CABCOCO1: variants seen among roughly 807,000 people sequenced by gnomAD.
CABCOCO1 encodes ciliary associated calcium binding coiled-coil 1, also known as ciliary-associated calcium-binding coiled-coil protein 1.
Under a neutral mutation model 35.7 loss-of-function variants are expected in CABCOCO1, and 28 were observed. The ratio of observed to expected loss-of-function variants is 0.78; its 90% CI spans 0.58 to 1.07. The LOEUF (loss-of-function observed/expected upper bound fraction) is 1.07, where lower values mean the gene tolerates loss of function less well. Ranked by LOEUF, CABCOCO1 falls within the 50% of genes least tolerant of loss-of-function variation. CABCOCO1 has a pLI of 0.00. For synonymous variants in CABCOCO1, 95 were observed against 100.1 expected (o/e 0.95, Z 0.30); for missense variants, 326 against 309.2 (o/e 1.05, Z -0.41).
intron 5 of CABCOCO1, among the ~76,000 whole-genome samples, chr10:61,706,989 C>T (rs1228596135): frequency 6.6e-6 from 1 of 152,190 alleles, no homozygotes; most frequent in East Asian, 1.9e-4. Context: ...TTTATTAAAC[C>T]CTCCTCAATG....
rs542272845 is a variant in CABCOCO1 at position 61,692,892 on chromosome 10, T to C, written c.552+2271T>C. On this transcript the variant is annotated intron_variant, in intron 5 of 7. Transcript: ENST00000648843. ...TTGCAATAATTATCAGTTTGGAATA[T>C]AATCCTATCTCATCTATTCAAGCAA... 9.2e-5 allele frequency among the ~76,000 whole-genome samples: 14 copies of C among 152,264 alleles called. 1 individual carries two copies. In the South Asian group the frequency reaches 2.9e-3, roughly 32 times the overall value.
At chr10:61,744,978 C>A (rs1841626047) in intron 5 of CABCOCO1, among the ~76,000 whole-genome samples, 1 of 152,114 alleles carries the variant, frequency 6.6e-6, no homozygotes, top group South Asian at 2.1e-4. Flanking sequence ...AATGTCTAGT[C>A]TTTTGAAAGG....
At chr10:61,721,036 C>G (rs558566375) in intron 5 of CABCOCO1, among the ~76,000 whole-genome samples, 1 of 147,322 alleles carries the variant, frequency 6.8e-6, no homozygotes, top group African/African-American at 2.5e-5. Context: ...GCCATTCTCC[C>G]GCCTCAGCCT....
rs1589159066 is a variant in CABCOCO1 at position 61,760,887 on chromosome 10, G to A, written c.700G>A (p.Glu234Lys). The change falls in exon 7 of 8, where the codon GAG (glutamate) becomes AAG (lysine). Residue 234 changes from glutamate to lysine, a missense_variant. Transcript: ENST00000648843. ...GAGGTTGGATCAAGAACAAGGCCCT[G>A]AGGAGTCTCAGCCAGAAACTGACAC... ...MKRLDQEQGP[E>K]ESQPETDTSD... 1 of 1,612,622 alleles carries A rather than the reference G, an allele frequency of 6.2e-7. No homozygotes were observed. The highest frequency in any genetic ancestry group is 8.5e-7 in the Non-Finnish European group (1 of 1,179,108).
intron 5 of CABCOCO1, among the ~76,000 whole-genome samples, chr10:61,727,957 A>ACTG (rs1841200132): frequency 6.6e-6 from 1 of 152,194 alleles, no homozygotes; most frequent in Non-Finnish European, 1.5e-5. Context: ...GTGTTTTATC[A>ACTG]ATGCCTGTAA....
intron 7 of CABCOCO1, among the ~76,000 whole-genome samples, chr10:61,765,628 C>T (rs1451629237): frequency 6.6e-6 from 1 of 152,180 alleles, no homozygotes; most frequent in Non-Finnish European, 1.5e-5. Context: ...TGATTCAGTG[C>T]TTATTGGTAA....
chr10:61,681,892 G>A (rs562617228), intron 3 of CABCOCO1, among the ~76,000 whole-genome samples: 32 of 152,214 alleles, frequency 2.1e-4, no homozygotes, highest in African/African-American at 7.5e-4. Flanking sequence ...AATTCCCTGG[G>A]GTGAATGGTA....
At chr10:61,763,110 G>A (rs1005463477) in intron 7 of CABCOCO1, among the ~76,000 whole-genome samples, 10 of 151,970 alleles carry the variant, frequency 6.6e-5, no homozygotes, top group East Asian at 3.9e-4. Flanking sequence ...ATCACTACTC[G>A]TAAGATGTTT....
chr10:61,709,579 C>T (rs1461956575), intron 5 of CABCOCO1, among the ~76,000 whole-genome samples: 3 of 151,442 alleles, frequency 2.0e-5, no homozygotes, highest in Admixed American at 6.6e-5. Context: ...ATTTTTCATA[C>T]TAAAAGAAAT....
chr10:61,697,863 A>C (rs1373156046), intron 5 of CABCOCO1, among the ~76,000 whole-genome samples: 1 of 152,122 alleles, frequency 6.6e-6, no homozygotes, highest in African/African-American at 2.4e-5. Context: ...CTCTCAATCC[A>C]TAAAATTAAG....
intron 4 of CABCOCO1, among the ~76,000 whole-genome samples, chr10:61,689,328 G>A (rs527624037): frequency 6.6e-6 from 1 of 152,268 alleles, no homozygotes; most frequent in African/African-American, 2.4e-5. Flanking sequence ...CACTAATCTT[G>A]ATGTATTTTT....
chr10:61,680,452 A>G, intron 2 of CABCOCO1, among the ~76,000 whole-genome samples: 1 of 35,914 alleles, frequency 2.8e-5, no homozygotes, highest in Admixed American at 3.1e-4. Flanking sequence ...AATATATTTT[A>G]TATATAACAT....
chr10:61,761,507 T>A (rs920277094), intron 7 of CABCOCO1, among the ~76,000 whole-genome samples: 9 of 152,100 alleles, frequency 5.9e-5, no homozygotes, highest in Non-Finnish European at 1.3e-4. Flanking sequence ...GCCGTATGAA[T>A]AGCAGCTGCC....
Position 61,681,420 on chromosome 10 carries a change from A to G in CABCOCO1, c.334+108A>G, listed in dbSNP as rs1170926194. On this transcript the variant is annotated intron_variant, in intron 3 of 7. Transcript: ENST00000648843. ...TATTGTAATTCCTTTAATGAAAAATACGGGTTTTTCCTGAGTATAACAAAT... is the reference window on the plus strand; with the variant it reads ...TATTGTAATTCCTTTAATGAAAAATGCGGGTTTTTCCTGAGTATAACAAAT... 1.5e-5 allele frequency: 13 copies of G among 840,662 alleles called. No individual in the cohort carries two copies. In the East Asian group the frequency reaches 3.9e-4, roughly 25 times the overall value. The allele number at this position is 840,662 out of a possible 1,614,324, so 52.1% of individuals were successfully genotyped here.
At chr10:61,687,106 C>T (rs377110095) in intron 4 of CABCOCO1, among the ~76,000 whole-genome samples, 1 of 152,048 alleles carries the variant, frequency 6.6e-6, no homozygotes, top group African/African-American at 2.4e-5. Context: ...TTTTTAAATC[C>T]TAGTAGGTTT....
At chr10:61,702,980 A>T (rs910959022) in intron 5 of CABCOCO1, among the ~76,000 whole-genome samples, 1 of 151,904 alleles carries the variant, frequency 6.6e-6, no homozygotes, top group African/African-American at 2.4e-5. Flanking sequence ...TTTGTGCCCG[A>T]TCAAGGAAAT....
chr10:61,690,475 A>G, intron 4 of CABCOCO1, 74 bp from the exon 5 acceptor site: 1 of 1,003,020 alleles, frequency 1.0e-6, no homozygotes, highest in Non-Finnish European at 1.5e-6. Flanking sequence ...GTTTCCTTTA[A>G]TAAATGTCTT....
chr10:61,721,219 C>T (rs993668377), intron 5 of CABCOCO1, among the ~76,000 whole-genome samples: 4 of 151,430 alleles, frequency 2.6e-5, no homozygotes, highest in Non-Finnish European at 2.9e-5. Context: ...GCACTGTGCC[C>T]GGCCCCACCT....
Position 61,732,539 on chromosome 10 carries a change from A to G in CABCOCO1, c.553-27520A>G, listed in dbSNP as rs573954217. On this transcript the variant is annotated intron_variant, in intron 5 of 7. Coordinates refer to ENST00000648843, the MANE Select transcript of CABCOCO1 (RefSeq NM_001366906.2). ...ATATAGCCCACTTTAACTTTTTACCAGTCTTGGAATTACCTAAATCCTTTT... is the reference window on the plus strand; with the variant it reads ...ATATAGCCCACTTTAACTTTTTACCGGTCTTGGAATTACCTAAATCCTTTT... Among the ~76,000 whole-genome samples, 20 of 152,086 alleles carry G rather than the reference A, an allele frequency of 1.3e-4. 1 individual carries two copies. The highest frequency in any genetic ancestry group is 4.6e-4 in the Admixed American group (7 of 15,220).
Sources: gnomAD v4.1 joint callset for allele counts (sites outside exome capture counted in the v4.1 genomes callset) on GRCh38, gnomAD v4.1.1 for gene constraint, MANE v1.5 for transcripts, NCBI Gene and HGNC (gene_info 2026-07-23, HGNC 2026-07-21) for gene names.